The following TMEM114 variants were observed in gnomAD, a reference collection of about 807,000 sequenced individuals.
TMEM114 encodes the protein transmembrane protein 114.
In TMEM114, 6 loss-of-function variants were observed where a neutral mutation model predicts 6.2. The ratio of observed to expected loss-of-function variants is 0.97; its 90% confidence interval spans 0.53 to 1.91. The LOEUF (loss-of-function observed/expected upper bound fraction) is 1.91, where lower values mean the gene tolerates loss of function less well. Ranked by LOEUF, TMEM114 falls within the 40% of genes most tolerant of loss-of-function variation. The pLI is 0.01. For synonymous variants in TMEM114, 104 were observed against 73.0 expected, an observed-to-expected ratio of 1.42 and a Z score of -2.16; for missense variants, 218 against 158.3, an observed-to-expected ratio of 1.38 and a Z score of -2.02.
At chr16:8,555,065 C>T (rs1900964513) in intron 2 of TMEM114, among the ~76,000 whole-genome samples, 1 of 152,234 alleles carries the variant, frequency 6.6e-6, no homozygotes, top group South Asian at 2.1e-4. Context: ...CCTCTCCTCC[C>T]AGGTCTCTCC....
chr16:8,558,611 C>T (rs1168267158), intron 2 of TMEM114, among the ~76,000 whole-genome samples: 3 of 152,172 alleles, frequency 2.0e-5, no homozygotes, highest in Non-Finnish European at 4.4e-5. Flanking sequence ...CTTTTTGGGG[C>T]ACATGCTTGA....
chr16:8,578,760 C>G (rs757530197), intron 2 of TMEM114, among the ~76,000 whole-genome samples: 4 of 152,146 alleles, frequency 2.6e-5, no homozygotes, highest in Non-Finnish European at 5.9e-5. Context: ...AGGTGGATCA[C>G]CTGAGGTTAG....
At chr16:8,536,412 C>A (rs1900361414), downstream of TMEM114, among the ~76,000 whole-genome samples, 2 of 152,114 alleles carry the variant, frequency 1.3e-5, no homozygotes, top group African/African-American at 4.8e-5. Flanking sequence ...AGGGACTGAA[C>A]ATCCTTGTCT....
At chr16:8,563,640 A>ATTG (rs1416891908) in intron 2 of TMEM114, among the ~76,000 whole-genome samples, 2 of 143,020 alleles carry the variant, frequency 1.4e-5, no homozygotes, top group Admixed American at 6.8e-5. Flanking sequence ...TGAATGAGTA[A>ATTG]ATGAGTGAGT....
At chr16:8,561,088 T>C (rs188346161) in intron 2 of TMEM114, among the ~76,000 whole-genome samples, 1 of 152,280 alleles carries the variant, frequency 6.6e-6, no homozygotes, top group Admixed American at 6.5e-5. Flanking sequence ...CTCCCATGAT[T>C]CGATTATCTC....
At chr16:8,564,561 GTGAGTGAA>G (rs1438596854), downstream of TMEM114, among the ~76,000 whole-genome samples, 1 of 146,758 alleles carries the variant, frequency 6.8e-6, no homozygotes, top group Non-Finnish European at 1.5e-5. Context: ...GAATGAGTGA[GTGAGTGAA>G]TGAGTGAGTG....
chr16:8,530,569 G>T, the TMEM114 span, among the ~76,000 whole-genome samples: 2 of 132,254 alleles, frequency 1.5e-5, no homozygotes, highest in African/African-American at 5.0e-5. Context: ...CAGCGAGGGA[G>T]ACAGAGAGGA....
intron 2 of TMEM114, among the ~76,000 whole-genome samples, chr16:8,556,627 G>C (rs879323788): frequency 6.6e-6 from 1 of 151,858 alleles, no homozygotes. Flanking sequence ...CCAGCCTCCT[G>C]AATAGCTGGG....
At chr16:8,578,493 C>G (rs1228070462) in intron 2 of TMEM114, among the ~76,000 whole-genome samples, 1 of 152,160 alleles carries the variant, frequency 6.6e-6, no homozygotes, top group Non-Finnish European at 1.5e-5. Flanking sequence ...CCAAGATTAT[C>G]TCATCTCGAG....
intron 2 of TMEM114, among the ~76,000 whole-genome samples, chr16:8,559,204 G>T (rs1448814029): frequency 3.3e-5 from 5 of 150,836 alleles, no homozygotes; most frequent in African/African-American, 1.2e-4. Context: ...CACTACGCCC[G>T]GATAATTTTT....
chr16:8,578,123 T>C (rs768177610), intron 2 of TMEM114, among the ~76,000 whole-genome samples: 1 of 151,858 alleles, frequency 6.6e-6, no homozygotes, highest in Non-Finnish European at 1.5e-5. Context: ...TGCAGAAAAA[T>C]AGGTGGGCAG....
intron 2 of TMEM114, among the ~76,000 whole-genome samples, chr16:8,563,168 A>C (rs1277599854): frequency 6.6e-6 from 1 of 150,710 alleles, no homozygotes; most frequent in African/African-American, 2.5e-5. Flanking sequence ...TGAGTGAGTG[A>C]GTAAATGAGT....
At chr16:8,552,409 A>G (rs1039607513) in intron 2 of TMEM114, among the ~76,000 whole-genome samples, 1 of 151,802 alleles carries the variant, frequency 6.6e-6, no homozygotes, top group African/African-American at 2.4e-5. Context: ...AAATACTACA[A>G]AGGGTAGCTA....
At chr16:8,564,145 G>A (rs192900769) in intron 2 of TMEM114, among the ~76,000 whole-genome samples, 138 of 150,624 alleles carry the variant, frequency 9.2e-4, no homozygotes, top group Admixed American at 3.2e-3. Flanking sequence ...GAATGAGTGA[G>A]TGAATGAGTT....
At chr16:8,528,152 A>T in the TMEM114 span, among the ~76,000 whole-genome samples, 3 of 152,154 alleles carry the variant, frequency 2.0e-5, no homozygotes, top group East Asian at 5.8e-4. Context: ...CTGCCTGCCT[A>T]GGCCTCCCAA....
In TMEM114 at chr16:8,572,212, G is replaced by A. The variant is rs375060188; in HGVS notation, c.314C>T (p.Thr105Ile). 234 of 1,551,552 alleles carry A rather than the reference G, an allele frequency of 1.5e-4. No homozygotes were observed. The highest frequency in any genetic ancestry group is 2.0e-4 in the Non-Finnish European group (226 of 1,146,992). ...SSRQLLTMHG[T>I]FVILLPLSLI... ...GCTGAGCGGCAGCAGAATCACAAAT[G>A]TCCCATGCATGGCTTAGAAGAGACA... Residue 105 changes from threonine (T) to isoleucine (I), a missense_variant, in exon 3 of 4, where the codon ACA becomes ATA. Thr to Ile is a moderately conservative substitution (Grantham distance 89). Transcript: ENST00000620492.
chr16:8,581,792 T>C (rs1205585659), intron 2 of TMEM114, among the ~76,000 whole-genome samples: 1 of 152,236 alleles, frequency 6.6e-6, no homozygotes, highest in East Asian at 1.9e-4. Flanking sequence ...TTTGTTAGTT[T>C]AAAATGTGGC....
At chr16:8,583,377 G>A (rs1305091366) in intron 2 of TMEM114, among the ~76,000 whole-genome samples, 1 of 152,264 alleles carries the variant, frequency 6.6e-6, no homozygotes, top group East Asian at 1.9e-4. Flanking sequence ...CAGAGTCCAG[G>A]GCTGGCTGCT....
chr16:8,544,582 G>A (rs780036690), intron 2 of TMEM114, among the ~76,000 whole-genome samples: 1 of 152,168 alleles, frequency 6.6e-6, no homozygotes, highest in Non-Finnish European at 1.5e-5. Flanking sequence ...AGGAATGATA[G>A]CTCATAAGAC....
Sources: gnomAD v4.1 joint callset for allele counts (sites outside exome capture counted in the v4.1 genomes callset) on GRCh38, gnomAD v4.1.1 for gene constraint, MANE v1.5 for transcripts, NCBI Gene and HGNC (gene_info 2026-07-23, HGNC 2026-07-21) for gene names.